Variants in DIAPH3 observed in about 807,000 individuals in gnomAD.
DIAPH3 encodes diaphanous related formin 3.
Under a neutral mutation model 144.3 loss-of-function variants are expected in DIAPH3, and 117 were observed. The observed-to-expected ratio is 0.81, with a 90% CI of 0.70 to 0.95. The LOEUF (loss-of-function observed/expected upper bound fraction) is 0.95. Among genes scored for constraint, DIAPH3 ranks in the 40% least tolerant of loss-of-function variants. The pLI, the probability that DIAPH3 is intolerant of heterozygous loss-of-function variation, is 0.00. For synonymous variants in DIAPH3, 519 were observed against 488.9 expected, an observed-to-expected ratio of 1.06 and a Z score of -0.81; for missense variants, 1,421 against 1,412.7, an observed-to-expected ratio of 1.01 and a Z score of -0.09.
chr13:59,772,149 T>C (rs2038156900), intron 27 of DIAPH3, among the ~76,000 whole-genome samples: 1 of 152,042 alleles, frequency 6.6e-6, no homozygotes, highest in Admixed American at 6.6e-5. Context: ...TTTTTAGAAA[T>C]AGAAAGATTT....
intron 25 of DIAPH3, among the ~76,000 whole-genome samples, chr13:59,788,353 C>T (rs918877538): frequency 1.3e-5 from 2 of 152,126 alleles, no homozygotes; most frequent in Non-Finnish European, 2.9e-5. Flanking sequence ...TCTGTGGTGG[C>T]TCATGCCTAT....
At chr13:59,931,139 C>A (rs530640404) in intron 17 of DIAPH3, among the ~76,000 whole-genome samples, 10 of 152,164 alleles carry the variant, frequency 6.6e-5, no homozygotes, top group Non-Finnish European at 7.4e-5. Flanking sequence ...ATTTTCAAGT[C>A]AAACGCTTGA....
intron 12 of DIAPH3, among the ~76,000 whole-genome samples, chr13:59,987,490 GAAAAAAAA>G (rs58336587): frequency 1.2e-4 from 8 of 66,296 alleles, no homozygotes; most frequent in Non-Finnish European, 2.5e-4. Context: ...AAAAAAAAAA[GAAAAAAAA>G]AAAAGACCAA....
intron 5 of DIAPH3, 106 bp from the exon 6 acceptor site, chr13:60,016,251 T>C: frequency 9.8e-7 from 1 of 1,019,814 alleles, no homozygotes; most frequent in South Asian, 1.4e-5. Context: ...TAATCGTAAC[T>C]AAAACATAAG....
chr13:59,668,522 TG>T (rs1185069266), intron 27 of DIAPH3, among the ~76,000 whole-genome samples: 1 of 152,192 alleles, frequency 6.6e-6, no homozygotes, highest in Non-Finnish European at 1.5e-5. Flanking sequence ...TGTGTGTGCG[TG>T]TGTGCGCGTG....
chr13:59,999,427 A>ATTGAAGAGTTTTTTT (rs1302344549), intron 9 of DIAPH3, among the ~76,000 whole-genome samples: 17 of 152,256 alleles, frequency 1.1e-4, no homozygotes, highest in African/African-American at 3.4e-4. Flanking sequence ...AAATCCACAG[A>ATTGAAGAGTTTTTTT]TTGAAGAGTT....
chr13:59,918,563 G>A (rs2047350887), intron 18 of DIAPH3, among the ~76,000 whole-genome samples: 2 of 152,248 alleles, frequency 1.3e-5, no homozygotes, highest in Middle Eastern at 3.4e-3. Context: ...TAAGCCTGAT[G>A]CAGGGCCAGC....
intron 11 of DIAPH3, among the ~76,000 whole-genome samples, 193 bp downstream of exon 11, chr13:59,991,875 T>A (rs375049864): frequency 6.6e-6 from 1 of 152,044 alleles, no homozygotes; most frequent in African/African-American, 2.4e-5. Context: ...CATTTGTTAG[T>A]TGCAGCATAC....
At position 59,666,568 on chromosome 13, in the gene DIAPH3, T is replaced by TA. The variant is rs1055492837; in HGVS notation, c.*15dup. ...TTATATTTGGCTTAATCATTTTTTT[T>TA]AAAAACCAGTTTAACTTATAAAGCT... On this transcript the variant is annotated 3_prime_UTR_variant, in exon 28 of 28. Transcript: ENST00000400324. 1 of 1,613,392 alleles carries TA rather than the reference T, an allele frequency of 6.2e-7. No individual in the cohort carries two copies. The highest frequency in any genetic ancestry group is 1.3e-5 in the African/African-American group (1 of 74,866).
chr13:60,105,097 CTCAAAAAAA>C (rs2058375207), intron 3 of DIAPH3, among the ~76,000 whole-genome samples: 1 of 5,456 alleles, frequency 1.8e-4, no homozygotes. Flanking sequence ...GAGACACGAT[CTCAAAAAAA>C]AAAAAAAAAA....
intron 22 of DIAPH3, among the ~76,000 whole-genome samples, chr13:59,860,496 T>C (rs2043513132): frequency 6.6e-6 from 1 of 152,128 alleles, no homozygotes; most frequent in African/African-American, 2.4e-5. Context: ...CCCAGCACTT[T>C]GGGAGGCTGA....
At chr13:60,115,187 A>C (rs140181286) in intron 2 of DIAPH3, among the ~76,000 whole-genome samples, 1 of 152,292 alleles carries the variant, frequency 6.6e-6, no homozygotes, top group East Asian at 1.9e-4. Flanking sequence ...AATGGTGACC[A>C]ACACAGCTAC....
chr13:60,150,648 G>T (rs1354846557), intron 1 of DIAPH3, among the ~76,000 whole-genome samples: 2 of 152,098 alleles, frequency 1.3e-5, no homozygotes, highest in Non-Finnish European at 2.9e-5. Context: ...CAGCACTGAG[G>T]ACACACAGAT....
At chr13:59,962,870 T>C (rs954937442) in intron 17 of DIAPH3, among the ~76,000 whole-genome samples, 4 of 152,156 alleles carry the variant, frequency 2.6e-5, no homozygotes, top group African/African-American at 9.7e-5. Context: ...TTAAATGATA[T>C]TTCAACTTAA....
chr13:59,990,430 T>C (rs1175932210), intron 12 of DIAPH3, among the ~76,000 whole-genome samples: 1 of 151,876 alleles, frequency 6.6e-6, no homozygotes, highest in South Asian at 2.1e-4. Context: ...CAAACCTAAA[T>C]TGGTGGCAAC....
chr13:59,887,222 G>T (rs1038464577), intron 20 of DIAPH3, among the ~76,000 whole-genome samples: 2 of 151,974 alleles, frequency 1.3e-5, no homozygotes, highest in African/African-American at 4.8e-5. Flanking sequence ...ATTTTGAAAT[G>T]TAAAACCAAC....
intron 2 of DIAPH3, among the ~76,000 whole-genome samples, chr13:60,120,834 T>G (rs1412927822): frequency 6.6e-6 from 1 of 152,154 alleles, no homozygotes; most frequent in Non-Finnish European, 1.5e-5. Context: ...ATGAAAGACC[T>G]CAAAACAGAA....
chr13:59,936,372 C>T (rs1448356790), intron 17 of DIAPH3, among the ~76,000 whole-genome samples: 1 of 152,106 alleles, frequency 6.6e-6, no homozygotes, highest in African/African-American at 2.4e-5. Context: ...ACAAAAAGAA[C>T]CATTTTATTG....
chr13:60,126,262 G>C (rs1299276606), intron 2 of DIAPH3, among the ~76,000 whole-genome samples: 2 of 152,142 alleles, frequency 1.3e-5, no homozygotes, highest in Non-Finnish European at 2.9e-5. Flanking sequence ...ATGAAATTGA[G>C]AAAATTTGAT....
Sources: allele counts gnomAD v4.1 joint callset (sites outside exome capture counted in the v4.1 genomes callset), GRCh38; gene constraint gnomAD v4.1.1; transcripts MANE v1.5; gene names NCBI Gene and HGNC (gene_info 2026-07-23, HGNC 2026-07-21).